Variants in CSMD1 observed in about 807,000 individuals in gnomAD.
CSMD1 encodes CUB and Sushi multiple domains 1.
In CSMD1, 213 loss-of-function variants were observed where a neutral mutation model predicts 417.5. The ratio of observed to expected loss-of-function variants is 0.51; its 90% CI spans 0.46 to 0.57. The LOEUF (loss-of-function observed/expected upper bound fraction) is 0.57. Among genes scored for constraint, CSMD1 ranks in the 20% least tolerant of loss-of-function variants. The pLI is 0.00. For synonymous variants in CSMD1, 2,862 were observed against 1,736.8 expected (o/e 1.65, Z -16.11); for missense variants, 6,923 against 4,529.7 (o/e 1.53, Z -15.17).
chr8:4,686,452 G>C (rs1428140539), intron 1 of CSMD1, among the ~76,000 whole-genome samples: 2 of 152,216 alleles, frequency 1.3e-5, no homozygotes, highest in Non-Finnish European at 2.9e-5. Flanking sequence ...AGTAGGCCTT[G>C]TGCGAGAGGG....
chr8:3,616,481 G>A (rs369806564), intron 8 of CSMD1, among the ~76,000 whole-genome samples: 30 of 152,112 alleles, frequency 2.0e-4, no homozygotes, highest in African/African-American at 7.2e-4. Flanking sequence ...CCACTCTCTG[G>A]TATGCCTTTA....
rs534573293 is a variant in CSMD1, at chr8:4,196,460, T to G, written c.416-164361A>C. Among the ~76,000 whole-genome samples the G allele has an allele frequency of 5.6e-4, 85 of 152,258 alleles. 1 individual carries two copies. The South Asian group carries it at 0.013, about 23-fold the overall frequency. On this transcript the variant is annotated intron_variant, in intron 3 of 69. Coordinates refer to ENST00000635120, the MANE Select transcript of CSMD1 (RefSeq NM_033225.6). ...TCTGAAGCCTCTTAGGGAAAATCTG[T>G]CCAATGCCGATTCAGGTGCTTTTAG...
intron 5 of CSMD1, among the ~76,000 whole-genome samples, chr8:3,791,674 T>C (rs1472601052): frequency 6.6e-6 from 1 of 152,110 alleles, no homozygotes; most frequent in African/African-American, 2.4e-5. Flanking sequence ...AGCACAAAAA[T>C]TAGCTGGGCA....
At chr8:3,178,284 A>T (rs1359546074) in intron 37 of CSMD1, among the ~76,000 whole-genome samples, 1 of 152,002 alleles carries the variant, frequency 6.6e-6, no homozygotes, top group African/African-American at 2.4e-5. Context: ...CCTTGTTTTC[A>T]TTTCTATATG....
intron 11 of CSMD1, among the ~76,000 whole-genome samples, chr8:3,484,261 A>G (rs1020327494): frequency 2.0e-5 from 3 of 152,216 alleles, no homozygotes; most frequent in Non-Finnish European, 4.4e-5. Flanking sequence ...CAGAACAGAG[A>G]GCTCAGAAAT....
intron 4 of CSMD1, among the ~76,000 whole-genome samples, chr8:4,006,763 T>C (rs193257522): frequency 1.3e-5 from 2 of 152,032 alleles, no homozygotes; most frequent in African/African-American, 4.8e-5. Flanking sequence ...CCACTATTTA[T>C]TACGGCTTAT....
At chr8:3,875,404 G>C (rs1424930572) in intron 5 of CSMD1, among the ~76,000 whole-genome samples, 5 of 152,184 alleles carry the variant, frequency 3.3e-5, no homozygotes, top group African/African-American at 2.4e-5. Context: ...GGTCTATGAA[G>C]TTATGGATTG....
chr8:4,767,883 G>T (rs1274083328), intron 1 of CSMD1, among the ~76,000 whole-genome samples: 1 of 152,088 alleles, frequency 6.6e-6, no homozygotes, highest in African/African-American at 2.4e-5. Flanking sequence ...AGTTTACAGT[G>T]TAGGCACATC....
intron 3 of CSMD1, among the ~76,000 whole-genome samples, chr8:4,353,115 T>C (rs529673370): frequency 6.6e-6 from 1 of 152,084 alleles, no homozygotes; most frequent in Non-Finnish European, 1.5e-5. Context: ...TAACATTCGG[T>C]TTATGTTCTC....
intron 48 of CSMD1, among the ~76,000 whole-genome samples, chr8:3,089,598 A>G (rs1814790129): frequency 6.6e-6 from 1 of 152,220 alleles, no homozygotes; most frequent in Non-Finnish European, 1.5e-5. Context: ...ACATGTTAAT[A>G]TTTTAGGGAC....
chr8:4,240,595 C>A (rs1802340486), intron 3 of CSMD1, among the ~76,000 whole-genome samples: 1 of 152,158 alleles, frequency 6.6e-6, no homozygotes, highest in Non-Finnish European at 1.5e-5. Context: ...TCAAAATGAA[C>A]TCCTTTCACA....
chr8:4,436,591 T>A lies in CSMD1; in HGVS notation c.303-16526A>T, dbSNP rs572271429. On this transcript the variant is annotated intron_variant, in intron 2 of 69. Transcript: ENST00000635120. ...TGACAGTTACTGTTGATTATATCCA[T>A]CCTGCTGTGCAAGCAAATAGGTCTT... Among the ~76,000 whole-genome samples the A allele has an allele frequency of 5.9e-5, 9 of 152,296 alleles. No individual in the cohort carries two copies. The South Asian group carries it at 1.2e-3, about 21-fold the overall frequency.
intron 2 of CSMD1, among the ~76,000 whole-genome samples, chr8:4,484,586 G>C (rs1278664483): frequency 2.0e-5 from 3 of 152,080 alleles, no homozygotes; most frequent in African/African-American, 7.2e-5. Flanking sequence ...GCTCTCTCAG[G>C]TATCAACTTG....
intron 3 of CSMD1, among the ~76,000 whole-genome samples, chr8:4,129,184 T>G (rs1802945268): frequency 6.6e-6 from 1 of 151,632 alleles, no homozygotes; most frequent in Non-Finnish European, 1.5e-5. Flanking sequence ...TCTTCCACTT[T>G]CAACATCTAC....
At chr8:4,832,744 T>C (rs532798817) in intron 1 of CSMD1, among the ~76,000 whole-genome samples, 1 of 152,236 alleles carries the variant, frequency 6.6e-6, no homozygotes, top group East Asian at 1.9e-4. Flanking sequence ...TGGAGAGAGA[T>C]TACTGATTGG....
At chr8:3,296,847 G>T (rs1804007514) in intron 25 of CSMD1, among the ~76,000 whole-genome samples, 1 of 152,184 alleles carries the variant, frequency 6.6e-6, no homozygotes, top group African/African-American at 2.4e-5. Flanking sequence ...TTTCTGTCTT[G>T]GACCTGTTGA....
At chr8:3,300,000 G>A (rs1432756295) in intron 25 of CSMD1, among the ~76,000 whole-genome samples, 1 of 152,142 alleles carries the variant, frequency 6.6e-6, no homozygotes, top group Non-Finnish European at 1.5e-5. Context: ...AAGTGCCCTG[G>A]AGGTGACACA....
chr8:4,554,578 T>C (rs1236854835), intron 2 of CSMD1, among the ~76,000 whole-genome samples: 2 of 152,210 alleles, frequency 1.3e-5, no homozygotes, highest in African/African-American at 2.4e-5. Flanking sequence ...CGAAGCTGTA[T>C]ATGACATTTA....
At position 4,019,229 on chromosome 8, in the gene CSMD1, G is replaced by T. The variant is rs141921869; in HGVS notation, c.610+12676C>A. Among the ~76,000 whole-genome samples the T allele has an allele frequency of 1.6e-3, 241 of 152,322 alleles. 1 individual carries two copies. Among genetic ancestry groups the T allele is most frequent in the African/African-American group, 5.6e-3 (232 of 41,576 alleles). On this transcript the variant is annotated intron_variant, in intron 4 of 69. Transcript: ENST00000635120. ...ATAAACCTGAGAGAGGCTCCTGGCT[G>T]AGTTAGGTCAGAGGCACTCTCTCTT...
Sources: gnomAD v4.1 joint callset for allele counts (sites outside exome capture counted in the v4.1 genomes callset) on GRCh38, gnomAD v4.1.1 for gene constraint, MANE v1.5 for transcripts, NCBI Gene and HGNC (gene_info 2026-07-23, HGNC 2026-07-21) for gene names.